Variants in SORCS2 observed in about 807,000 individuals in gnomAD.
The protein encoded by SORCS2 is VPS10 domain-containing receptor SorCS2.
SORCS2 carries 100 observed loss-of-function variants against 141.6 expected under a neutral mutation model. That is an observed-to-expected ratio of 0.71 (90% CI 0.60 to 0.83). The LOEUF (loss-of-function observed/expected upper bound fraction) is 0.83. SORCS2 is among the 40% of genes least tolerant of loss of function. The pLI is 0.00. For missense variants in SORCS2, 1,646 were observed against 1,560.2 expected (o/e 1.05, Z -0.93); for synonymous variants, 789 against 676.9 (o/e 1.17, Z -2.57).
intron 2 of SORCS2, among the ~76,000 whole-genome samples, chr4:7,483,336 A>T (rs1486521901): frequency 6.6e-6 from 1 of 151,604 alleles, no homozygotes; most frequent in Non-Finnish European, 1.5e-5. Context: ...AAAAAAAAAA[A>T]AAAAGACAGT....
chr4:7,634,269 G>T (rs1423880370), intron 3 of SORCS2, among the ~76,000 whole-genome samples: 2 of 152,124 alleles, frequency 1.3e-5, no homozygotes, highest in African/African-American at 4.8e-5. Flanking sequence ...AGCTACTGAG[G>T]AGGCTGAGGC....
intron 2 of SORCS2, among the ~76,000 whole-genome samples, chr4:7,510,189 G>A (rs1732529762): frequency 6.6e-6 from 1 of 152,258 alleles, no homozygotes; most frequent in Non-Finnish European, 1.5e-5. Context: ...TGAAACCGAT[G>A]TGGATGCAAA....
intron 1 of SORCS2, among the ~76,000 whole-genome samples, chr4:7,310,792 T>G (rs1340133534): frequency 6.6e-6 from 1 of 152,172 alleles, no homozygotes; most frequent in Non-Finnish European, 1.5e-5. Flanking sequence ...TCTTGGCCAA[T>G]CTGCAAAGAG....
chr4:7,571,492 CAG>C (rs762504824), intron 3 of SORCS2, among the ~76,000 whole-genome samples: 1 of 152,106 alleles, frequency 6.6e-6, no homozygotes, highest in Non-Finnish European at 1.5e-5. Context: ...GGGGTAGACT[CAG>C]GGGATGAGAT....
intron 2 of SORCS2, among the ~76,000 whole-genome samples, chr4:7,530,252 G>A (rs1282775344): frequency 5.3e-5 from 8 of 152,224 alleles, no homozygotes; most frequent in Admixed American, 4.6e-4. Flanking sequence ...GACAAACTAG[G>A]TGAGTCTGAG....
Position 7,193,265 on chromosome 4 carries a change from A to C in SORCS2, c.480+139A>C. On this transcript the variant is annotated intron_variant, in intron 1 of 26. Transcript: ENST00000507866. This position sits in a 1 kb window ranked among gnomAD's most constrained non-coding sequence, Gnocchi z 4.8. Reference sequence around the variant, plus strand: ...TCTTGGCGACTTGGGCACTTGGGTCACCTCGGCCGCGCCCCTACTGGCCTC... The same window carrying C: ...TCTTGGCGACTTGGGCACTTGGGTCCCCTCGGCCGCGCCCCTACTGGCCTC... 8.7e-7 allele frequency: 1 copy of C among 1,150,120 alleles called. No individual in the cohort carries two copies. The highest frequency in any genetic ancestry group is 1.1e-6 in the Non-Finnish European group (1 of 894,960). 71.2% of individuals were successfully genotyped at this position (1,150,120 alleles called of 1,614,324 possible). A position where few individuals can be genotyped will look rare whatever the true frequency, so the allele number is the denominator to read the frequency against.
At chr4:7,516,051 G>C (rs1732959087) in intron 2 of SORCS2, among the ~76,000 whole-genome samples, 1 of 152,198 alleles carries the variant, frequency 6.6e-6, no homozygotes, top group Non-Finnish European at 1.5e-5. Context: ...GATGGTGTCT[G>C]GGTGGGCACT....
intron 4 of SORCS2, among the ~76,000 whole-genome samples, chr4:7,650,625 C>G (rs1721374415): frequency 6.6e-6 from 1 of 152,152 alleles, no homozygotes; most frequent in Admixed American, 6.5e-5. Flanking sequence ...GATGGGGAAA[C>G]TGAGGCAAGA....
chr4:7,463,344 G>A (rs1029803155), intron 2 of SORCS2, among the ~76,000 whole-genome samples: 1 of 152,170 alleles, frequency 6.6e-6, no homozygotes, highest in Non-Finnish European at 1.5e-5. Flanking sequence ...TGTGACCTTG[G>A]GGATAGGAAG....
intron 3 of SORCS2, among the ~76,000 whole-genome samples, chr4:7,603,866 G>T (rs977582935): frequency 1.2e-4 from 19 of 152,150 alleles, no homozygotes; most frequent in African/African-American, 4.6e-4. Flanking sequence ...CTAGCCTGGC[G>T]TTTTTAGATC....
chr4:7,319,339 G>T lies in SORCS2; in HGVS notation c.481-76949G>T, dbSNP rs1718756051. The stretch of plus-strand genomic sequence containing the variant: ...CTAATCATGAATCGAGCTGGGTTTG[G>T]CTTTTGTTGCCTAAGGAACAAATTG... On this transcript the variant is annotated intron_variant, in intron 1 of 26. Coordinates refer to ENST00000507866, the MANE Select transcript of SORCS2 (RefSeq NM_020777.3). 2.6e-5 allele frequency among the ~76,000 whole-genome samples: 4 copies of T among 152,064 alleles called. 1 individual carries two copies. In the South Asian group the frequency reaches 8.3e-4, roughly 32 times the overall value.
intron 1 of SORCS2, among the ~76,000 whole-genome samples, chr4:7,246,400 G>A (rs1713090740): frequency 6.6e-6 from 1 of 151,972 alleles, no homozygotes; most frequent in Non-Finnish European, 1.5e-5. Context: ...TCTCACCCGG[G>A]GCTTAAATGA....
At chr4:7,272,659 G>C (rs908050055) in intron 1 of SORCS2, among the ~76,000 whole-genome samples, 1 of 152,230 alleles carries the variant, frequency 6.6e-6, no homozygotes, top group Non-Finnish European at 1.5e-5. Context: ...AGGGGAGTGG[G>C]GCACCCCACC....
chr4:7,466,610 G>A (rs972207573), intron 2 of SORCS2, among the ~76,000 whole-genome samples: 4 of 152,192 alleles, frequency 2.6e-5, no homozygotes, highest in Admixed American at 6.5e-5. Context: ...CTGGAAACAC[G>A]GGGTCCTGTA....
At chr4:7,495,566 A>C (rs145649710) in intron 2 of SORCS2, among the ~76,000 whole-genome samples, 28 of 152,310 alleles carry the variant, frequency 1.8e-4, no homozygotes, top group African/African-American at 6.5e-4. Flanking sequence ...TCAGGCCCCA[A>C]GCCCGGGGCC....
intron 1 of SORCS2, among the ~76,000 whole-genome samples, chr4:7,255,851 ACCCGGGGCTGGAGCGTGGGGC>A (rs879811305): frequency 0.41 from 58,737 of 144,622 alleles, 14,717 homozygotes; most frequent in African/African-American, 0.59. Context: ...GTGCGTGGGG[ACCCGGGGCTGGAGCGTGGGGC>A]CCCGGGGCTG....
At position 7,362,018 on chromosome 4, in the gene SORCS2, G is replaced by A. The variant is rs115155103; in HGVS notation, c.481-34270G>A. Among the ~76,000 whole-genome samples, 302 of 152,252 alleles carry A rather than the reference G, an allele frequency of 2.0e-3. 2 individuals are homozygous for A. Among genetic ancestry groups the A allele is most frequent in the African/African-American group, 6.8e-3 (284 of 41,544 alleles). On this transcript the variant is annotated intron_variant, in intron 1 of 26. Coordinates refer to ENST00000507866, the MANE Select transcript of SORCS2 (RefSeq NM_020777.3). ...TTTGAGAGGTGGAGTAAAGTGGTGG[G>A]GACAAAGGACAGCAAACTTGGGTCC... is the stretch of plus-strand genomic sequence containing the variant.
chr4:7,339,210 G>T (rs1720218342), intron 1 of SORCS2, among the ~76,000 whole-genome samples: 1 of 152,236 alleles, frequency 6.6e-6, no homozygotes, highest in Non-Finnish European at 1.5e-5. Flanking sequence ...CGTGTGCACA[G>T]CTACTCTTGG....
At chr4:7,469,667 G>A (rs1229375181) in intron 2 of SORCS2, among the ~76,000 whole-genome samples, 1 of 152,220 alleles carries the variant, frequency 6.6e-6, no homozygotes, top group African/African-American at 2.4e-5. Context: ...AGATTATGAA[G>A]CCTGGACCCT....
Sources: allele counts gnomAD v4.1 joint callset (sites outside exome capture counted in the v4.1 genomes callset), GRCh38; gene constraint gnomAD v4.1.1; non-coding constraint Gnocchi (gnomAD v3.1); transcripts MANE v1.5; gene names NCBI Gene and HGNC (gene_info 2026-07-23, HGNC 2026-07-21).